Variants in IBTK observed in about 807,000 individuals in gnomAD.
IBTK encodes BTK-binding protein.
Under a neutral mutation model 154.9 loss-of-function variants are expected in IBTK, and 83 were observed. That is an observed-to-expected ratio of 0.54 (90% confidence interval 0.45 to 0.64). IBTK has a LOEUF of 0.64. Ranked by LOEUF, IBTK falls within the 30% of genes least tolerant of loss-of-function variation. IBTK has a pLI of 0.00. For synonymous variants in IBTK, 515 were observed against 536.1 expected, an observed-to-expected ratio of 0.96 and a Z score of 0.54; for missense variants, 1,332 against 1,584.6, an observed-to-expected ratio of 0.84 and a Z score of 2.71.
intron 16 of IBTK, among the ~76,000 whole-genome samples, chr6:82,207,412 A>C (rs1057451306): frequency 2.0e-5 from 3 of 152,192 alleles, no homozygotes; most frequent in African/African-American, 7.2e-5. Flanking sequence ...AAAATCATTG[A>C]AAGAAATTAA....
chr6:82,210,847 A>G lies in IBTK; in HGVS notation c.2476T>C (p.Tyr826His). ...HSDILKVILD[Y>H]LYTDEAVVIK... ...ACCACAGCTTCATCAGTATAGAGGT[A>G]GTCCAAAATAACTTTTAATATATCA... The change falls in exon 16 of 29, where the codon TAC becomes CAC. Residue 826 changes from tyrosine (Y) to histidine (H), a missense_variant. Around this residue, in one of 3 missense-constraint regions of IBTK, gnomAD observed 1,134 missense variants for 1,274.7 expected, o/e 0.89. Transcript: ENST00000306270. 2 of 1,571,090 alleles carry G rather than the reference A, an allele frequency of 1.3e-6. No individual in the cohort carries two copies. Among genetic ancestry groups the G allele is most frequent in the Non-Finnish European group, 1.7e-6 (2 of 1,155,866 alleles).
Position 82,225,480 on chromosome 6 carries a change from T to G in IBTK, c.822A>C (p.Arg274Ser). 6.2e-7 allele frequency: 1 copy of G among 1,612,030 alleles called. No individual in the cohort carries two copies. The highest frequency in any genetic ancestry group is 8.5e-7 in the Non-Finnish European group (1 of 1,178,924). The change falls in exon 6 of 29, where the codon AGA becomes AGC. Residue 274 changes from arginine to serine, a missense_variant. Arg to Ser is a moderately radical substitution (Grantham distance 110). Around this residue, in one of 3 missense-constraint regions of IBTK, gnomAD observed 1,134 missense variants for 1,274.7 expected, o/e 0.89. Transcript: ENST00000306270. ...TATTTAAAAGAGTAAAGCTTACCTG[T>G]CTGGGTACATTACAACTGGAAGGCG... The part of the protein sequence containing the change: ...IPPPSSCNVP[R>S]QIQAKYLKGR...
At chr6:82,235,238 C>A (rs1458419690) in intron 2 of IBTK, among the ~76,000 whole-genome samples, 1 of 152,152 alleles carries the variant, frequency 6.6e-6, no homozygotes, top group Non-Finnish European at 1.5e-5. Context: ...AAGTCCCTAG[C>A]TCTGGGTTTG....
At chr6:82,191,425 T>C (rs1768765304) in intron 24 of IBTK, 1 of 575,906 alleles carries the variant, frequency 1.7e-6, no homozygotes, top group Non-Finnish European at 3.0e-6. Flanking sequence ...TATCAGTTTA[T>C]ACTAACAATG....
chr6:82,184,159 A>G (rs922860710), intron 25 of IBTK, among the ~76,000 whole-genome samples: 1 of 152,220 alleles, frequency 6.6e-6, no homozygotes. Context: ...CATAATTGGA[A>G]ACAGTACCTG....
In IBTK at chr6:82,200,707, A is replaced by G; in HGVS notation, c.2792T>C (p.Ile931Thr). 6.5e-7 allele frequency: 1 copy of G among 1,537,842 alleles called. No homozygotes were observed. Among genetic ancestry groups the G allele is most frequent in the East Asian group, 2.4e-5 (1 of 41,806 alleles). Residue 931 changes from isoleucine to threonine, a missense_variant and splice_region_variant, in exon 20 of 29, where the codon ATT becomes ACT. Ile to Thr is a moderately conservative substitution (Grantham distance 89). Around this residue, in one of 3 missense-constraint regions of IBTK, gnomAD observed 1,134 missense variants for 1,274.7 expected, o/e 0.89. Transcript: ENST00000306270. ...KDLSEFYRKMIPAMDRRVITP... is the reference protein window; with the variant it reads ...KDLSEFYRKMTPAMDRRVITP... The stretch of plus-strand genomic sequence containing the variant: ...AATGACTCTTCTATCCATTGCTGGA[A>G]TCTGCAGAATTGAAGATATCACTTT...
At chr6:82,219,938 A>C (rs1193288721) in intron 9 of IBTK, among the ~76,000 whole-genome samples, 4 of 152,132 alleles carry the variant, frequency 2.6e-5, no homozygotes, top group Non-Finnish European at 5.9e-5. Context: ...GGCCAGGCGC[A>C]GTGGCTCATG....
At chr6:82,201,067 G>A (rs1243905782) in intron 19 of IBTK, among the ~76,000 whole-genome samples, 2 of 151,920 alleles carry the variant, frequency 1.3e-5, no homozygotes, top group African/African-American at 2.4e-5. Context: ...AAGGAAACTT[G>A]AGAAAAAGCT....
In IBTK at chr6:82,201,537, C is replaced by T. The variant is rs971933412; in HGVS notation, c.2730-55G>A. ...AAGATTCAAGTGACTTGATAACTGT[C>T]AAGTTGCTTACATACGTAGATATTT... On this transcript the variant is annotated intron_variant, in intron 18 of 28. Transcript: ENST00000306270. 2.5e-5 allele frequency: 31 copies of T among 1,249,606 alleles called. No individual in the cohort carries two copies. The Admixed American group carries it at 6.1e-4, about 25-fold the overall frequency. The allele number at this position is 1,249,606 out of a possible 1,614,324, so 77.4% of individuals were successfully genotyped here. A position where few individuals can be genotyped will look rare whatever the true frequency, so the allele number is the denominator to read the frequency against.
At chr6:82,234,636 G>A (rs1006709478) in intron 2 of IBTK, among the ~76,000 whole-genome samples, 10 of 151,562 alleles carry the variant, frequency 6.6e-5, no homozygotes, top group Admixed American at 1.3e-4. Flanking sequence ...ACACCTGGCC[G>A]ACTTCCTATT....
intron 3 of IBTK, among the ~76,000 whole-genome samples, chr6:82,233,200 G>A (rs901132965): frequency 9.2e-5 from 14 of 151,788 alleles, no homozygotes; most frequent in African/African-American, 2.9e-4. Flanking sequence ...GGTGGCATGG[G>A]TCTATATTCC....
chr6:82,225,509 G>A lies in IBTK; in HGVS notation c.793C>T (p.Pro265Ser), dbSNP rs866485749. 6.2e-7 allele frequency: 1 copy of A among 1,612,680 alleles called. No homozygotes were observed. ...LNIFHQLGIIPPPSSCNVPRQ... is the reference protein window; with the variant it reads ...LNIFHQLGIISPPSSCNVPRQ... ...GGTACATTACAACTGGAAGGCGGTG[G>A]AATAATTCCTAATTGATGAAAAATG... Residue 265 changes from proline to serine, a missense_variant, in exon 6 of 29, where the codon CCA becomes TCA. By Grantham distance (74) the Pro-to-Ser change is moderately conservative (BLOSUM62 -1). Transcript: ENST00000306270.
chr6:82,237,809 G>A (rs1428435071), intron 2 of IBTK, among the ~76,000 whole-genome samples: 1 of 151,998 alleles, frequency 6.6e-6, no homozygotes, highest in Non-Finnish European at 1.5e-5. Context: ...AGCCACTACA[G>A]AAATATTTTT....
chr6:82,180,364 C>T (rs547545474), intron 26 of IBTK, among the ~76,000 whole-genome samples: 45 of 152,128 alleles, frequency 3.0e-4, no homozygotes, highest in African/African-American at 1.1e-3. Flanking sequence ...TCCCACCCAG[C>T]CTCCTGAATA....
chr6:82,230,415 C>T (rs1182344929), intron 4 of IBTK, among the ~76,000 whole-genome samples: 1 of 152,104 alleles, frequency 6.6e-6, no homozygotes, highest in African/African-American at 2.4e-5. Context: ...TAGATAAACA[C>T]ATAATTAGCT....
chr6:82,195,474 C>T (rs1470387670), intron 22 of IBTK, among the ~76,000 whole-genome samples: 2 of 151,622 alleles, frequency 1.3e-5, no homozygotes, highest in South Asian at 4.2e-4. Flanking sequence ...GTTACTCTGC[C>T]GGCTTAGGTG....
At chr6:82,201,887 G>A (rs182553515) in intron 18 of IBTK, among the ~76,000 whole-genome samples, 72 of 151,956 alleles carry the variant, frequency 4.7e-4, no homozygotes, top group Admixed American at 2.7e-3. Flanking sequence ...AATCACGCTC[G>A]GCTAATTTTT....
chr6:82,173,120 G>T, intron 27 of IBTK: 1 of 303,062 alleles, frequency 3.3e-6, no homozygotes, highest in Non-Finnish European at 6.0e-6. Context: ...TCCTGTCCTA[G>T]CTTCATGAGT....
intron 9 of IBTK, among the ~76,000 whole-genome samples, chr6:82,218,508 C>G (rs982163164): frequency 6.6e-6 from 1 of 152,112 alleles, no homozygotes. Flanking sequence ...TATCTCTTTA[C>G]AAGAAGAATG....
Sources: gnomAD v4.1 joint callset for allele counts (sites outside exome capture counted in the v4.1 genomes callset) on GRCh38, gnomAD v4.1.1 for gene constraint, gnomAD v4.1.1 regional missense constraint, MANE v1.5 for transcripts, NCBI Gene and HGNC (gene_info 2026-07-23, HGNC 2026-07-21) for gene names.